The following C10orf90 variants were observed in gnomAD, a reference collection of about 807,000 sequenced individuals.
C10orf90 encodes chromosome 10 open reading frame 90.
In C10orf90, 56 loss-of-function variants were observed where a neutral mutation model predicts 62.5. The ratio of observed to expected loss-of-function variants is 0.90; its 90% CI spans 0.72 to 1.12. The LOEUF (loss-of-function observed/expected upper bound fraction) is 1.12, where lower values mean the gene tolerates loss of function less well. C10orf90 is among the 50% of genes most tolerant of loss of function. The pLI, the probability that C10orf90 is intolerant of heterozygous loss-of-function variation, is 0.00. For synonymous variants in C10orf90, 386 were observed against 340.4 expected, an observed-to-expected ratio of 1.13 and a Z score of -1.47; for missense variants, 970 against 880.4, an observed-to-expected ratio of 1.10 and a Z score of -1.29.
chr10:126,426,836 C>T (rs1196384001), intron 8 of C10orf90, among the ~76,000 whole-genome samples: 2 of 152,134 alleles, frequency 1.3e-5, no homozygotes, highest in African/African-American at 2.4e-5. Flanking sequence ...AGATGTTCCA[C>T]CATTAAAATA....
chr10:126,489,998 T>C lies in C10orf90; in HGVS notation c.1534+13959A>G, dbSNP rs1458141101. ...CATATAATATATATATAATATATAT[T>C]ATATATTATATATATTATATATAAT... is the stretch of plus-strand genomic sequence containing the variant. On this transcript the variant is annotated intron_variant, in intron 4 of 9. Transcript: ENST00000488181. 3.4e-5 allele frequency among the ~76,000 whole-genome samples: 3 copies of C among 88,956 alleles called. No individual in the cohort carries two copies. In the East Asian group the frequency reaches 9.4e-4, roughly 28 times the overall value. 58.4% of individuals were successfully genotyped at this position (88,956 alleles called of 152,430 possible).
intron 4 of C10orf90, among the ~76,000 whole-genome samples, chr10:126,476,692 TC>T (rs1860890123): frequency 6.6e-6 from 1 of 152,360 alleles, no homozygotes; most frequent in East Asian, 1.9e-4. Flanking sequence ...AACGCGGACT[TC>T]CGGAGTTATT....
intron 2 of C10orf90, among the ~76,000 whole-genome samples, chr10:126,645,124 G>T (rs970446134): frequency 2.0e-5 from 3 of 151,778 alleles, no homozygotes; most frequent in South Asian, 2.1e-4. Flanking sequence ...GGTGGGAGGA[G>T]GGGGGAGGGA....
intron 8 of C10orf90, among the ~76,000 whole-genome samples, chr10:126,427,689 G>A (rs1381345874): frequency 5.9e-5 from 9 of 152,072 alleles, no homozygotes; most frequent in East Asian, 1.9e-4. Context: ...CAGATTCTTC[G>A]GCCTCTGGAC....
chr10:126,572,446 A>C (rs1386277429), intron 2 of C10orf90, among the ~76,000 whole-genome samples: 1 of 152,112 alleles, frequency 6.6e-6, no homozygotes, highest in African/African-American at 2.4e-5. Flanking sequence ...CTGGTTGCTG[A>C]TTTTTATGGT....
intron 2 of C10orf90, among the ~76,000 whole-genome samples, chr10:126,564,964 A>AATATATAT (rs1844289671): frequency 7.6e-5 from 1 of 13,072 alleles, no homozygotes; most frequent in Non-Finnish European, 1.2e-4. Flanking sequence ...AAAATATAAA[A>AATATATAT]TATATATAAT....
chr10:126,552,064 G>A (rs1046466265), intron 2 of C10orf90, among the ~76,000 whole-genome samples: 1 of 152,222 alleles, frequency 6.6e-6, no homozygotes. Flanking sequence ...AATGCCAGTG[G>A]GGGTGGAGAA....
At position 126,562,482 on chromosome 10, in the gene C10orf90, C is replaced by T. The variant is rs568607898; in HGVS notation, c.314-48543G>A. Among the ~76,000 whole-genome samples the T allele has an allele frequency of 2.3e-3, 350 of 152,294 alleles. 1 individual carries two copies. The highest frequency in any genetic ancestry group is 6.6e-3 in the South Asian group (32 of 4,826). On this transcript the variant is annotated intron_variant, in intron 2 of 9. Coordinates refer to ENST00000488181, the MANE Select transcript of C10orf90 (RefSeq NM_001350921.2). ...ATGAGACAGAACAGTCCCAGACAAGCCAGCTGGAAATCCAGTCTCCATTAA... is the reference window on the plus strand; with the variant it reads ...ATGAGACAGAACAGTCCCAGACAAGTCAGCTGGAAATCCAGTCTCCATTAA...
At chr10:126,525,123 T>A (rs987484581) in intron 2 of C10orf90, among the ~76,000 whole-genome samples, 1 of 152,152 alleles carries the variant, frequency 6.6e-6, no homozygotes, top group African/African-American at 2.4e-5. Flanking sequence ...ACCAGACCCG[T>A]TAGTCAGGCA....
intron 2 of C10orf90, among the ~76,000 whole-genome samples, chr10:126,612,408 T>C (rs879835976): frequency 7.2e-5 from 11 of 152,252 alleles, no homozygotes; most frequent in Non-Finnish European, 1.2e-4. Flanking sequence ...ATTTCCATCA[T>C]TGTAGAAAGT....
intron 2 of C10orf90, among the ~76,000 whole-genome samples, chr10:126,565,164 T>A (rs1322982879): frequency 1.4e-5 from 1 of 70,328 alleles, no homozygotes; most frequent in African/African-American, 5.5e-5. Context: ...ATATAATATT[T>A]ATATTACATA....
intron 4 of C10orf90, among the ~76,000 whole-genome samples, chr10:126,468,800 G>A (rs963975575): frequency 6.6e-6 from 1 of 152,172 alleles, no homozygotes; most frequent in African/African-American, 2.4e-5. Flanking sequence ...ATGCATCTGG[G>A]CTAGGTGGGG....
intron 2 of C10orf90, among the ~76,000 whole-genome samples, chr10:126,556,514 G>A (rs1225503773): frequency 2.0e-5 from 3 of 151,864 alleles, no homozygotes; most frequent in African/African-American, 4.8e-5. Context: ...ATAAATGTAC[G>A]GTATATAAAA....
In C10orf90 at chr10:126,619,317, G is replaced by A. The variant is rs147958890; in HGVS notation, c.313+27248C>T. On this transcript the variant is annotated intron_variant, in intron 2 of 9. Coordinates refer to ENST00000488181, the MANE Select transcript of C10orf90 (RefSeq NM_001350921.2). Reference sequence around the variant, plus strand: ...ATTCCTGTCAGGAATATACACGGGTGTTGAATCACTTGGCATAGAGCATCA... The same window carrying A: ...ATTCCTGTCAGGAATATACACGGGTATTGAATCACTTGGCATAGAGCATCA... Among the ~76,000 whole-genome samples the A allele has an allele frequency of 7.9e-5, 12 of 152,300 alleles. No individual in the cohort carries two copies. In the East Asian group the frequency reaches 2.3e-3, roughly 29 times the overall value.
intron 2 of C10orf90, among the ~76,000 whole-genome samples, chr10:126,624,013 A>G (rs1845697077): frequency 6.6e-6 from 1 of 152,162 alleles, no homozygotes; most frequent in Non-Finnish European, 1.5e-5. Context: ...TAATGCAAAG[A>G]GATGAGGAAC....
chr10:126,499,360 GC>G (rs1351279924), intron 4 of C10orf90, among the ~76,000 whole-genome samples: 1 of 152,032 alleles, frequency 6.6e-6, no homozygotes, highest in Non-Finnish European at 1.5e-5. Context: ...TTTCAATCTG[GC>G]CCTTCACAAA....
At chr10:126,484,251 G>A (rs375457196) in intron 4 of C10orf90, among the ~76,000 whole-genome samples, 21 of 151,952 alleles carry the variant, frequency 1.4e-4, no homozygotes, top group East Asian at 1.2e-3. Context: ...ATTTTGAGTC[G>A]TCACAACTAC....
chr10:126,522,297 A>T (rs1004024272), intron 2 of C10orf90, among the ~76,000 whole-genome samples: 1 of 152,192 alleles, frequency 6.6e-6, no homozygotes, highest in African/African-American at 2.4e-5. Context: ...AAAAAAAGAG[A>T]TGGCACTGGT....
rs374347513 is a variant in C10orf90 at position 126,504,063 on chromosome 10, G to A, written c.1428C>T (p.Asn476=). 1.9e-6 allele frequency: 3 copies of A among 1,614,002 alleles called. No homozygotes were observed. Among genetic ancestry groups the A allele is most frequent in the African/African-American group, 2.7e-5 (2 of 74,890 alleles). ...TTTCCCCTTTTCTTACAGTGACTTG[G>A]TTAGCTCCCACATTTGCCAATTCTG... is the stretch of plus-strand genomic sequence containing the variant. The part of the protein sequence containing the change: ...ENTELANVGA[N]QVTVRKGEKD... Residue 476 remains asparagine (N), a synonymous_variant, in exon 4 of 10, where the codon AAC becomes AAT. Coordinates refer to ENST00000488181, the MANE Select transcript of C10orf90 (RefSeq NM_001350921.2). The surrounding 1 kb of genome is among the most constrained non-coding windows in gnomAD (Gnocchi z 4.1).
Sources: gnomAD v4.1 joint callset for allele counts (sites outside exome capture counted in the v4.1 genomes callset) on GRCh38, gnomAD v4.1.1 for gene constraint, Gnocchi (gnomAD v3.1) non-coding constraint, MANE v1.5 for transcripts, NCBI Gene and HGNC (gene_info 2026-07-23, HGNC 2026-07-21) for gene names.